The following RYR2 variants were observed in gnomAD, a reference collection of about 807,000 sequenced individuals.
RYR2 encodes ryanodine receptor 2.
RYR2 carries 227 observed loss-of-function variants against 601.1 expected under a neutral mutation model. The observed-to-expected ratio is 0.38, with a 90% CI of 0.34 to 0.42. The LOEUF (loss-of-function observed/expected upper bound fraction) is 0.42. Among genes scored for constraint, RYR2 ranks in the 10% least tolerant of loss-of-function variants. RYR2 has a pLI of 1.00. For missense variants in RYR2, 4,646 were observed against 6,156.5 expected, an observed-to-expected ratio of 0.75 and a Z score of 8.21; for synonymous variants, 2,223 against 2,175.1, an observed-to-expected ratio of 1.02 and a Z score of -0.61.
chr1:237,586,360 G>T (rs2779424), intron 29 of RYR2, among the ~76,000 whole-genome samples: 134,271 of 152,154 alleles, frequency 0.88, 61,621 homozygotes, highest in East Asian at 1. Context: ...TTACCTTTTT[G>T]TACCATTTAA....
chr1:237,638,873 A>G, intron 45 of RYR2, 142 bp from the exon 46 acceptor site: 1 of 1,012,246 alleles, frequency 9.9e-7, no homozygotes, highest in Non-Finnish European at 1.4e-6. Context: ...AATGCTAGCA[A>G]TTAGGATTAC....
chr1:237,050,749 A>G (rs1661156749), intron 1 of RYR2, among the ~76,000 whole-genome samples: 1 of 152,246 alleles, frequency 6.6e-6, no homozygotes, highest in Admixed American at 6.5e-5. Context: ...TACAGGAAAA[A>G]TGATATCCTT....
At chr1:237,780,813 A>ATAAGT (rs1553321109) in intron 88 of RYR2, among the ~76,000 whole-genome samples, 3 of 152,232 alleles carry the variant, frequency 2.0e-5, no homozygotes, top group Non-Finnish European at 4.4e-5. Context: ...AAATACATTT[A>ATAAGT]TAAGTTTATC....
intron 1 of RYR2, among the ~76,000 whole-genome samples, chr1:237,155,066 G>A (rs896704712): frequency 6.6e-6 from 1 of 151,940 alleles, no homozygotes; most frequent in African/African-American, 2.4e-5. Context: ...GGTGACTGTT[G>A]TCTCCTTGTT....
At chr1:237,525,462 T>C (rs1402262924) in intron 24 of RYR2, among the ~76,000 whole-genome samples, 5 of 151,900 alleles carry the variant, frequency 3.3e-5, no homozygotes, top group South Asian at 2.1e-4. Context: ...GTTTGTTTTT[T>C]GTTTTTTTGA....
At position 237,667,278 on chromosome 1, in the gene RYR2, C is replaced by T. The variant is rs550111513; in HGVS notation, c.8515-605C>T. Among the ~76,000 whole-genome samples, 11 of 152,176 alleles carry T rather than the reference C, an allele frequency of 7.2e-5. No homozygotes were observed. In the East Asian group the frequency reaches 1.5e-3, roughly 21 times the overall value. On this transcript the variant is annotated intron_variant, in intron 57 of 104. Coordinates refer to ENST00000366574, the MANE Select transcript of RYR2 (RefSeq NM_001035.3). ...GTATTGTTCCAAGAGAAATAAGGACCGTAAATATAAAATTTACATATTGTT... is the reference window on the plus strand; with the variant it reads ...GTATTGTTCCAAGAGAAATAAGGACTGTAAATATAAAATTTACATATTGTT...
intron 2 of RYR2, among the ~76,000 whole-genome samples, chr1:237,279,243 A>G (rs1690607323): frequency 6.6e-6 from 1 of 152,164 alleles, no homozygotes; most frequent in Admixed American, 6.5e-5. Flanking sequence ...ACTGGGGACT[A>G]ATTTATTTGG....
At chr1:237,204,136 G>A (rs1681512563) in intron 1 of RYR2, among the ~76,000 whole-genome samples, 1 of 152,068 alleles carries the variant, frequency 6.6e-6, no homozygotes, top group African/African-American at 2.4e-5. Context: ...TCAGCCTCCC[G>A]AGTAGCTGGG....
At chr1:237,760,152 C>G (rs1693299666) in intron 83 of RYR2, among the ~76,000 whole-genome samples, 1 of 150,250 alleles carries the variant, frequency 6.7e-6, no homozygotes, top group African/African-American at 2.5e-5. Context: ...CAAGACCAGC[C>G]TGGGTAACAG....
At chr1:237,405,949 C>T (rs1703824262) in intron 10 of RYR2, among the ~76,000 whole-genome samples, 1 of 146,292 alleles carries the variant, frequency 6.8e-6, no homozygotes, top group Non-Finnish European at 1.5e-5. Flanking sequence ...CTGAGGTATT[C>T]TTGCACTTTG....
intron 74 of RYR2, among the ~76,000 whole-genome samples, 159 bp downstream of exon 74, chr1:237,723,421 A>G (rs571657735): frequency 5.6e-4 from 86 of 152,348 alleles, no homozygotes; most frequent in Non-Finnish European, 1.2e-3. Flanking sequence ...TATTTCATAA[A>G]GACAATTTCT....
chr1:237,711,873 A>G (rs1382107954), intron 71 of RYR2, 36 bp downstream of exon 71: 1 of 949,068 alleles, frequency 1.1e-6, no homozygotes, highest in African/African-American at 1.6e-5. Flanking sequence ...TCTGGAAAAT[A>G]TCTGAATGTG....
At position 237,591,609 on chromosome 1, in the gene RYR2, G is replaced by C. The variant is rs1675209700; in HGVS notation, c.4161-130G>C. 5 of 697,112 alleles carry C rather than the reference G, an allele frequency of 7.2e-6. No homozygotes were observed. The Admixed American group carries it at 1.1e-4, about 16-fold the overall frequency. The allele number at this position is 697,112 out of a possible 1,614,324, so 43.2% of individuals were successfully genotyped here. A position where few individuals can be genotyped will look rare whatever the true frequency, so the allele number is the denominator to read the frequency against. ...TGAGAACCAAAAACATGTATTTTCAGATATTCCCAGATGTCCCCCAGGGAG... is the reference window on the plus strand; with the variant it reads ...TGAGAACCAAAAACATGTATTTTCACATATTCCCAGATGTCCCCCAGGGAG... On this transcript the variant is annotated intron_variant, in intron 31 of 104. Coordinates refer to ENST00000366574, the MANE Select transcript of RYR2 (RefSeq NM_001035.3).
intron 25 of RYR2, among the ~76,000 whole-genome samples, chr1:237,539,754 A>C (rs1669052200): frequency 6.6e-6 from 1 of 152,160 alleles, no homozygotes; most frequent in Non-Finnish European, 1.5e-5. Context: ...CTTCACACGT[A>C]GTTGATGGGT....
chr1:237,132,294 A>G (rs1378113023), intron 1 of RYR2, among the ~76,000 whole-genome samples: 1 of 152,208 alleles, frequency 6.6e-6, no homozygotes, highest in East Asian at 1.9e-4. Context: ...GTCATCTTGG[A>G]GGAAGATCCT....
rs1553294531 is a variant in RYR2 at position 237,709,564 on chromosome 1, C to A, written c.10227C>A (p.Ser3409=). The change falls in exon 70 of 105, where the codon TCC becomes TCA. Residue 3409 remains serine, a synonymous_variant. Transcript: ENST00000366574. ...AAGTGTTTATCTACTGGTCGAAGTC[C>A]CATGTGAGTGTGAAAATATTGATAG... ...VAEVFIYWSK[S]HNFKREEQNF... 1 of 1,597,604 alleles carries A rather than the reference C, an allele frequency of 6.3e-7. No individual in the cohort carries two copies. Among genetic ancestry groups the A allele is most frequent in the East Asian group, 2.2e-5 (1 of 44,748 alleles).
intron 56 of RYR2, among the ~76,000 whole-genome samples, chr1:237,662,488 GTT>G (rs5781980): frequency 4.7e-5 from 7 of 149,314 alleles, no homozygotes; most frequent in Admixed American, 6.7e-5. Context: ...AGAAAGGGAT[GTT>G]TTTTTTTTTA....
At chr1:237,828,228 C>T (rs959265062) in intron 101 of RYR2, among the ~76,000 whole-genome samples, 153 bp from the exon 102 acceptor site, 1 of 152,216 alleles carries the variant, frequency 6.6e-6, no homozygotes, top group Non-Finnish European at 1.5e-5. Flanking sequence ...CGCCTCCTTT[C>T]TCCTAGGAGT....
At chr1:237,423,052 T>G (rs1705754683) in intron 11 of RYR2, 40 bp from the exon 12 acceptor site, 1 of 1,583,938 alleles carries the variant, frequency 6.3e-7, no homozygotes, top group Admixed American at 1.9e-5. Context: ...CTTCTGTGAT[T>G]GTGGGTGCTA....
Sources: allele counts gnomAD v4.1 joint callset (sites outside exome capture counted in the v4.1 genomes callset), GRCh38; gene constraint gnomAD v4.1.1; transcripts MANE v1.5; gene names NCBI Gene and HGNC (gene_info 2026-07-23, HGNC 2026-07-21).